Variants in COL2A1 observed in about 807,000 individuals in gnomAD.
COL2A1 encodes collagen type II alpha 1 chain, also known as collagen alpha-1(II) chain.
A neutral mutation model predicts 204.5 loss-of-function variants in COL2A1; 28 were observed. The observed-to-expected ratio is 0.14, with a 90% CI of 0.10 to 0.19. The LOEUF (loss-of-function observed/expected upper bound fraction) is 0.19. Among genes scored for constraint, COL2A1 ranks in the 10% least tolerant of loss-of-function variants. The pLI, the probability that COL2A1 is intolerant of heterozygous loss-of-function variation, is 1.00. For missense variants in COL2A1, 1,388 were observed against 2,027.5 expected, an observed-to-expected ratio of 0.68 and a Z score of 6.06; for synonymous variants, 708 against 718.7, an observed-to-expected ratio of 0.99 and a Z score of 0.24.
In COL2A1 at chr12:47,975,366, A is replaced by C; in HGVS notation, c.3837T>G (p.Pro1279=). Residue 1279 remains proline (P), a synonymous_variant, in exon 51 of 54, where the codon CCT becomes CCG. Transcript: ENST00000380518. The part of the protein sequence containing the change: ...IRSPEGSRKN[P]ARTCRDLKLC... Reference sequence around the variant, plus strand: ...GTTTCAGGTCTCTGCAGGTGCGAGCAGGGTTCTTGCGGGAGCCCTCGGGGC... The same window carrying C: ...GTTTCAGGTCTCTGCAGGTGCGAGCCGGGTTCTTGCGGGAGCCCTCGGGGC... 1 of 1,614,194 alleles carries C rather than the reference A, an allele frequency of 6.2e-7. No individual in the cohort carries two copies. Among genetic ancestry groups the C allele is most frequent in the Non-Finnish European group, 8.5e-7 (1 of 1,180,046 alleles).
At chr12:47,996,693 C>T in intron 7 of COL2A1, 68 bp from the exon 8 acceptor site, 2 of 1,222,944 alleles carry the variant, frequency 1.6e-6, no homozygotes, top group Non-Finnish European at 2.4e-6. Context: ...GCTAGGTAAG[C>T]TCTATATGGA....
intron 28 of COL2A1, 111 bp downstream of exon 28, chr12:47,984,435 A>G: frequency 8.8e-7 from 1 of 1,133,732 alleles, no homozygotes; most frequent in East Asian, 2.5e-5. Context: ...ACAGAGATCA[A>G]CACTCAATAC....
intron 41 of COL2A1, among the ~76,000 whole-genome samples, chr12:47,979,147 A>C (rs1436497048): frequency 6.6e-6 from 1 of 151,966 alleles, no homozygotes; most frequent in Non-Finnish European, 1.5e-5. Context: ...TGAGTTCATC[A>C]CCACTGCTCC....
intron 16 of COL2A1, among the ~76,000 whole-genome samples, chr12:47,992,563 A>G (rs962061318): frequency 5.9e-5 from 9 of 152,158 alleles, no homozygotes; most frequent in African/African-American, 2.2e-4. Context: ...GTGGTGCTAT[A>G]GCCAGCTAAG....
chr12:47,974,789 G>T lies in COL2A1; in HGVS notation c.3960C>A (p.Gly1320=), dbSNP rs758384775. 1.2e-6 allele frequency: 2 copies of T among 1,614,042 alleles called. No homozygotes were observed. The highest frequency in any genetic ancestry group is 2.2e-5 in the East Asian group (1 of 44,890). The change falls in exon 52 of 54, where the codon GGC becomes GGA. Residue 1320 remains glycine (G), a synonymous_variant. Transcript: ENST00000380518. ...AMKVFCNMET[G]ETCVYPNPAN... ...CTGGATTGGGGTAGACGCAAGTCTC[G>T]CCAGTCTCCATGTTGCAGAAAACCT...
rs760165835 is a variant in COL2A1 at position 47,975,300 on chromosome 12, C to G, written c.3886+17G>C. 1.2e-6 allele frequency: 2 copies of G among 1,613,438 alleles called. No individual in the cohort carries two copies. Among genetic ancestry groups the G allele is most frequent in the Middle Eastern group, 1.8e-4 (1 of 5,606 alleles). On this transcript the variant is annotated intron_variant, in intron 51 of 53. Transcript: ENST00000380518. ...TCCCTGCTTCCCGGGGCAGGGGATC[C>G]TGTTCTCCAAGCTTACCACTCTTCC... is the stretch of plus-strand genomic sequence containing the variant.
At chr12:47,981,630 T>C in intron 36 of COL2A1, 146 bp downstream of exon 36, 2 of 1,073,030 alleles carry the variant, frequency 1.9e-6, no homozygotes, top group Non-Finnish European at 2.8e-6. Context: ...CGGCTTCACT[T>C]CTGAGAGGGC....
In COL2A1 at chr12:47,978,711, A is replaced by G. The variant is rs781135588; in HGVS notation, c.2781T>C (p.Gly927=). ...PGPPGPSGKD[G]PKGARGDSGP... is the part of the protein sequence containing the mutation. ...CGCTGTCTCCTCGAGCACCTTTGGG[A>G]CCATCTTTTCCAGAAGGACCAGGGG... The change falls in exon 42 of 54, where the codon GGT becomes GGC. Residue 927 remains glycine, a synonymous_variant. Transcript: ENST00000380518. This position sits in a 1 kb window ranked among gnomAD's most constrained non-coding sequence, Gnocchi z 5.5. 1.2e-5 allele frequency: 19 copies of G among 1,612,994 alleles called. No individual in the cohort carries two copies. The Admixed American group carries it at 3.0e-4, about 25-fold the overall frequency.
intron 15 of COL2A1, 139 bp from the exon 16 acceptor site, chr12:47,993,070 G>T (rs1455323077): frequency 6.2e-6 from 5 of 809,084 alleles, no homozygotes; most frequent in Non-Finnish European, 1.1e-5. Flanking sequence ...CCTCCTGATG[G>T]TGCTGGCTCC....
chr12:47,977,257 C>T lies in COL2A1; in HGVS notation c.3273+63G>A, dbSNP rs1006877850. ...CCTTAGTCCAGAGACTGCGGAAACCCAGGGACTGCCTCAGCCCCACCGCGC... is the reference window on the plus strand; with the variant it reads ...CCTTAGTCCAGAGACTGCGGAAACCTAGGGACTGCCTCAGCCCCACCGCGC... On this transcript the variant is annotated intron_variant, in intron 46 of 53. Coordinates refer to ENST00000380518, the MANE Select transcript of COL2A1 (RefSeq NM_001844.5). 2.5e-6 allele frequency: 4 copies of T among 1,576,682 alleles called. No homozygotes were observed. In the South Asian group the frequency reaches 4.4e-5, roughly 17 times the overall value.
rs1254165791 is a variant in COL2A1 at position 47,987,405 on chromosome 12, G to A, written c.1222-92C>T. The A allele has an allele frequency of 5.1e-5, 71 of 1,383,144 alleles. No homozygotes were observed. The East Asian group carries it at 1.6e-3, about 32-fold the overall frequency. 85.7% of individuals were successfully genotyped at this position (1,383,144 alleles called of 1,614,324 possible). A position where few individuals can be genotyped will look rare whatever the true frequency, so the allele number is the denominator to read the frequency against. On this transcript the variant is annotated intron_variant, in intron 19 of 53. Coordinates refer to ENST00000380518, the MANE Select transcript of COL2A1 (RefSeq NM_001844.5). This position sits in a 1 kb window ranked among gnomAD's most constrained non-coding sequence, Gnocchi z 4.1. ...ATCCAGATCCAGGGACCTGGCATAG[G>A]TGCTGTCCATTTCAGGGACATTCCC... is the stretch of plus-strand genomic sequence containing the variant.
In COL2A1 at chr12:47,983,141, G is replaced by A. The variant is rs374351305; in HGVS notation, c.2050-4C>T. 3.7e-6 allele frequency: 6 copies of A among 1,613,322 alleles called. No individual in the cohort carries two copies. The African/African-American group carries it at 6.7e-5, about 18-fold the overall frequency. On this transcript the variant is annotated splice_polypyrimidine_tract_variant and splice_region_variant and intron_variant, in intron 31 of 53. Coordinates refer to ENST00000380518, the MANE Select transcript of COL2A1 (RefSeq NM_001844.5). ...CTCCAGCTTCACCGGGAACACCCTG[G>A]AGAACAAAGAAAGATGTGTGAGAGT...
chr12:47,982,292 T>G, intron 34 of COL2A1, 132 bp from the exon 35 acceptor site: 1 of 883,730 alleles, frequency 1.1e-6, no homozygotes, highest in South Asian at 1.4e-5. Flanking sequence ...GGTCTCAGGG[T>G]GGGTGAGGAG....
intron 2 of COL2A1, 197 bp downstream of exon 2, chr12:47,999,722 C>A: frequency 1.9e-6 from 1 of 526,306 alleles, no homozygotes. Context: ...CAAAGAAGGA[C>A]CCCTCTAGTG....
chr12:47,998,960 C>A (rs1487156544), intron 2 of COL2A1: 1 of 156,460 alleles, frequency 6.4e-6, no homozygotes, highest in Non-Finnish European at 1.4e-5. Flanking sequence ...CAGTCAATAA[C>A]CTCTCCTTCA....
At chr12:47,975,696 T>A in intron 50 of COL2A1, 91 bp from the exon 51 acceptor site, 1 of 1,423,362 alleles carries the variant, frequency 7.0e-7, no homozygotes, top group Non-Finnish European at 9.6e-7. Flanking sequence ...AGAGTGTCCC[T>A]CTTCCCAGCC....
chr12:47,984,395 C>G, intron 28 of COL2A1, 151 bp downstream of exon 28: 2 of 879,578 alleles, frequency 2.3e-6, no homozygotes, highest in South Asian at 3.0e-5. Flanking sequence ...TGTAGACACC[C>G]AAAGGGCCCA....
In COL2A1 at chr12:47,975,840, T is replaced by A. The variant is rs1938680307; in HGVS notation, c.3597+123A>T. 1.0e-5 allele frequency: 9 copies of A among 881,774 alleles called. No individual in the cohort carries two copies. In the Admixed American group the frequency reaches 1.6e-4, roughly 15 times the overall value. 54.6% of individuals were successfully genotyped at this position (881,774 alleles called of 1,614,324 possible). ...TGTGACCTCTGAGGAGACCTCAGGA[T>A]AAAGGATGCCATCACTGTTAGCTGC... On this transcript the variant is annotated intron_variant, in intron 50 of 53. Transcript: ENST00000380518.
chr12:47,998,304 A>G (rs1035799646), intron 3 of COL2A1, 103 bp from the exon 4 acceptor site: 5 of 1,547,846 alleles, frequency 3.2e-6, no homozygotes, highest in Non-Finnish European at 4.5e-6. Flanking sequence ...TCTGAAACAG[A>G]TATCTTCTGA....
Sources: gnomAD v4.1 joint callset for allele counts (sites outside exome capture counted in the v4.1 genomes callset) on GRCh38, gnomAD v4.1.1 for gene constraint, Gnocchi (gnomAD v3.1) non-coding constraint, MANE v1.5 for transcripts, NCBI Gene and HGNC (gene_info 2026-07-23, HGNC 2026-07-21) for gene names.